SMG9: variants seen among roughly 807,000 people sequenced by gnomAD.
SMG9 encodes the protein nonsense-mediated mRNA decay factor SMG9.
SMG9 carries 55 observed loss-of-function variants against 64.0 expected under a neutral mutation model. That is an observed-to-expected ratio of 0.86 (90% CI 0.69 to 1.08). The LOEUF (loss-of-function observed/expected upper bound fraction) is 1.08, where lower values mean the gene tolerates loss of function less well. Among genes scored for constraint, SMG9 ranks in the 50% least tolerant of loss-of-function variants. The pLI is 0.00. For synonymous variants in SMG9, 244 were observed against 254.8 expected (o/e 0.96, Z 0.41); for missense variants, 554 against 681.3 (o/e 0.81, Z 2.08).
In SMG9 at chr19:43,747,981, C is replaced by A. The variant is rs746590082; in HGVS notation, c.222G>T (p.Glu74Asp). Residue 74 changes from glutamate to aspartate, a missense_variant, in exon 3 of 14, where the codon GAG (glutamate) becomes GAT (aspartate). Physicochemically the swap from Glu to Asp is conservative, Grantham distance 45 (BLOSUM62 2). Transcript: ENST00000270066. ...TCCTCCCTCCTTCTCTGCTCACCCG[C>A]TCTGCTGGAGGTTTTGAGAGGATGA... ...TPIILSKPPAERSKQPPPPTA... is the reference protein window; with the variant it reads ...TPIILSKPPADRSKQPPPPTA... 3 of 1,614,146 alleles carry A rather than the reference C, an allele frequency of 1.9e-6. No individual in the cohort carries two copies. The South Asian group carries it at 3.3e-5, about 18-fold the overall frequency.
Position 43,738,329 on chromosome 19 carries a change from T to C in SMG9, c.814-112A>G, listed in dbSNP as rs544584094. ...CAAGGTCAGAAACAAAGGCAGGCAA[T>C]TTCTAATTAGAACAGCAAAAGGAAG... On this transcript the variant is annotated intron_variant, in intron 7 of 13. Coordinates refer to ENST00000270066, the MANE Select transcript of SMG9 (RefSeq NM_019108.4). 1,149 of 893,462 alleles carry C rather than the reference T, an allele frequency of 1.3e-3. 2 individuals carry two copies. Among genetic ancestry groups the C allele is most frequent in the Non-Finnish European group, 1.4e-3 (801 of 566,908 alleles). 55.3% of individuals were successfully genotyped at this position (893,462 alleles called of 1,614,324 possible).
intron 7 of SMG9, among the ~76,000 whole-genome samples, chr19:43,738,563 T>TA (rs879663677): frequency 5.7e-4 from 83 of 145,230 alleles, no homozygotes; most frequent in Middle Eastern, 7.1e-3. Context: ...ATTACTTAGG[T>TA]AAAAAAAAAA....
chr19:43,753,327 A>T (rs1374193246), intron 1 of SMG9, among the ~76,000 whole-genome samples: 1 of 152,134 alleles, frequency 6.6e-6, no homozygotes, highest in Non-Finnish European at 1.5e-5. Context: ...ATTATTCTGA[A>T]ATCTACCCAG....
intron 2 of SMG9, among the ~76,000 whole-genome samples, chr19:43,749,820 G>A (rs558464213): frequency 6.6e-6 from 1 of 152,330 alleles, no homozygotes; most frequent in African/African-American, 2.4e-5. Context: ...CAGGCAGAGC[G>A]ATGCTATATG....
At chr19:43,733,027 A>G in intron 12 of SMG9, 25 bp from the exon 13 acceptor site, 2 of 1,590,450 alleles carry the variant, frequency 1.3e-6, no homozygotes, top group Non-Finnish European at 1.7e-6. Context: ...CAGGGAGGGT[A>G]AGAGGGATAG....
chr19:43,754,618 G>C (rs950146982), intron 1 of SMG9, 36 bp downstream of exon 1: 5 of 151,952 alleles, frequency 3.3e-5, no homozygotes, highest in Non-Finnish European at 7.4e-5. Context: ...CCCGCCGCCG[G>C]TGCGCTAGCC....
intron 6 of SMG9, among the ~76,000 whole-genome samples, chr19:43,742,805 G>A (rs1485510083): frequency 6.6e-6 from 1 of 152,016 alleles, no homozygotes; most frequent in Admixed American, 6.6e-5. Context: ...AGAATTAGCA[G>A]GAAGGCCAGG....
At chr19:43,741,054 G>A (rs1021561849) in intron 6 of SMG9, among the ~76,000 whole-genome samples, 1 of 152,112 alleles carries the variant, frequency 6.6e-6, no homozygotes, top group South Asian at 2.1e-4. Flanking sequence ...AACACTATAC[G>A]GAAAACCTCC....
Position 43,734,383 on chromosome 19 carries a change from T to TCTCACC in SMG9, c.1102_1102+5dup. Reference sequence around the variant, plus strand: ...CCACCCCTCCAGTCCCCAGAAAGCCTCTCACCTAGGTGGGGGTAGTACTCG... The same window carrying TCTCACC: ...CCACCCCTCCAGTCCCCAGAAAGCCTCTCACCCTCACCTAGGTGGGGGTAGTACTCG... On this transcript the variant is annotated splice_donor_region_variant and intron_variant, in intron 10 of 13. Coordinates refer to ENST00000270066, the MANE Select transcript of SMG9 (RefSeq NM_019108.4). 1 of 1,550,300 alleles carries TCTCACC rather than the reference T, an allele frequency of 6.5e-7. No homozygotes were observed. The highest frequency in any genetic ancestry group is 8.7e-7 in the Non-Finnish European group (1 of 1,145,766).
Position 43,737,646 on chromosome 19 carries a change from G to T in SMG9, c.946C>A (p.His316Asn), listed in dbSNP as rs1040123236. 2 of 1,613,864 alleles carry T rather than the reference G, an allele frequency of 1.2e-6. No individual in the cohort carries two copies. The highest frequency in any genetic ancestry group is 2.7e-5 in the African/African-American group (2 of 74,902). ...QIAAFLFTVC[H>N]VVIVVQDWFT... ...CAGTCCTGGACAACAATCACCACAT[G>T]GCAGACCGTGAAAAGGAAGGCAGCA... Residue 316 changes from histidine (H) to asparagine (N), a missense_variant, in exon 9 of 14, where the codon CAT becomes AAT. Physicochemically the swap from His to Asn is moderately conservative, Grantham distance 68. Coordinates refer to ENST00000270066, the MANE Select transcript of SMG9 (RefSeq NM_019108.4).
intron 6 of SMG9, among the ~76,000 whole-genome samples, chr19:43,743,550 C>CT (rs1266773024): frequency 1.3e-5 from 2 of 152,304 alleles, no homozygotes; most frequent in African/African-American, 4.8e-5. Flanking sequence ...AATCCCAGCA[C>CT]TTTGAGAGGC....
rs1968365578 is a variant in SMG9 at position 43,728,293 on chromosome 19, C to T, written c.*3303G>A. ...CACAATAGTGAATCTGTTGTAAGAGCTCGTGGTTTCAAAGTGTGTGCCACC... is the reference window on the plus strand; with the variant it reads ...CACAATAGTGAATCTGTTGTAAGAGTTCGTGGTTTCAAAGTGTGTGCCACC... On this transcript the variant is annotated 3_prime_UTR_variant, in exon 14 of 14. Transcript: ENST00000270066. 6.6e-6 allele frequency: 1 copy of T among 152,252 alleles called. No individual in the cohort carries two copies. Among genetic ancestry groups the T allele is most frequent in the Non-Finnish European group, 1.5e-5 (1 of 68,130 alleles). The allele number at this position is 152,252 out of a possible 1,614,324, so 9.4% of individuals were successfully genotyped here.
intron 7 of SMG9, chr19:43,739,760 C>T (rs1163628030): frequency 1.0e-5 from 3 of 288,270 alleles, no homozygotes. Context: ...GTTACCATCC[C>T]TATTTACAGA....
Position 43,752,832 on chromosome 19 carries a change from G to A in SMG9, c.-7+1822C>T, listed in dbSNP as rs1007294504. Among the ~76,000 whole-genome samples the A allele has an allele frequency of 2.7e-5, 4 of 149,628 alleles. No homozygotes were observed. In the Admixed American group the frequency reaches 2.7e-4, roughly 10 times the overall value. On this transcript the variant is annotated intron_variant, in intron 1 of 13. Transcript: ENST00000270066. Reference sequence around the variant, plus strand: ...GAGGTGGTGGGATCACTTGAGCCTGGGAGGTCAAGGCTGCCATGATCATGC... The same window carrying A: ...GAGGTGGTGGGATCACTTGAGCCTGAGAGGTCAAGGCTGCCATGATCATGC...
At position 43,738,223 on chromosome 19, in the gene SMG9, G is replaced by C. The variant is rs562256479; in HGVS notation, c.814-6C>G. On this transcript the variant is annotated splice_region_variant and splice_polypyrimidine_tract_variant and intron_variant, in intron 7 of 13. Transcript: ENST00000270066. ...ATAGAAGGGCTCAGGATGGGCTGCA[G>C]CAAGGAAGAGAACAGAGTGTCACTC... 1 of 1,613,408 alleles carries C rather than the reference G, an allele frequency of 6.2e-7. No individual in the cohort carries two copies. The highest frequency in any genetic ancestry group is 2.2e-5 in the East Asian group (1 of 44,882).
Position 43,731,059 on chromosome 19 carries a change from G to A in SMG9, c.*537C>T. 3.2e-6 allele frequency: 3 copies of A among 939,854 alleles called. No individual in the cohort carries two copies. Among genetic ancestry groups the A allele is most frequent in the Non-Finnish European group, 3.8e-6 (3 of 788,356 alleles). The allele number at this position is 939,854 out of a possible 1,614,324, so 58.2% of individuals were successfully genotyped here. ...TTCTAGGGACTTCTTAGCAGAGACTGATCTCCATCTGCCCGCAAGGGCTGG... is the reference window on the plus strand; with the variant it reads ...TTCTAGGGACTTCTTAGCAGAGACTAATCTCCATCTGCCCGCAAGGGCTGG... On this transcript the variant is annotated 3_prime_UTR_variant, in exon 14 of 14. Coordinates refer to ENST00000270066, the MANE Select transcript of SMG9 (RefSeq NM_019108.4).
intron 6 of SMG9, among the ~76,000 whole-genome samples, chr19:43,744,081 A>C (rs1968926608): frequency 6.6e-6 from 1 of 152,004 alleles, no homozygotes; most frequent in African/African-American, 2.4e-5. Context: ...CCTGTTTCTC[A>C]AGTTCTCCCC....
intron 9 of SMG9, among the ~76,000 whole-genome samples, chr19:43,737,382 A>G (rs1476336060): frequency 1.3e-5 from 2 of 152,220 alleles, no homozygotes; most frequent in Admixed American, 6.5e-5. Context: ...GCACGGGCAG[A>G]CTTTGGATTT....
At chr19:43,734,663 C>T in intron 9 of SMG9, 168 bp from the exon 10 acceptor site, 1 of 543,052 alleles carries the variant, frequency 1.8e-6, no homozygotes, top group Middle Eastern at 3.2e-4. Flanking sequence ...AGATAATCCT[C>T]TCAGATACCA....
Sources: allele counts gnomAD v4.1 joint callset (sites outside exome capture counted in the v4.1 genomes callset), GRCh38; gene constraint gnomAD v4.1.1; transcripts MANE v1.5; gene names NCBI Gene and HGNC (gene_info 2026-07-23, HGNC 2026-07-21).